Variants in NOC4L observed in about 807,000 individuals in gnomAD.
The protein encoded by NOC4L is nucleolar complex associated 4 homolog.
In NOC4L, 40 loss-of-function variants were observed where a neutral mutation model predicts 62.8. That is an observed-to-expected ratio of 0.64 (90% confidence interval 0.49 to 0.83). NOC4L has a LOEUF of 0.83. Ranked by LOEUF, NOC4L falls within the 40% of genes least tolerant of loss-of-function variation. The pLI, the probability that NOC4L is intolerant of heterozygous loss-of-function variation, is 0.00. For synonymous variants in NOC4L, 433 were observed against 299.8 expected, an observed-to-expected ratio of 1.44 and a Z score of -4.59; for missense variants, 927 against 701.9, an observed-to-expected ratio of 1.32 and a Z score of -3.62.
rs763904197 is a variant in NOC4L at position 132,151,783 on chromosome 12, A to C, written c.1280A>C (p.Gln427Pro). 23 of 1,612,320 alleles carry C rather than the reference A, an allele frequency of 1.4e-5. No homozygotes were observed. Among genetic ancestry groups the C allele is most frequent in the Non-Finnish European group, 1.8e-5 (21 of 1,179,794 alleles). ...PYDPGEEDPA[Q>P]SRALESSLWE... Reference sequence around the variant, plus strand: ...GACCCTGGAGAGGAGGACCCAGCCCAGAGCCGGGCCTTGGAGAGCTCCCTG... The same window carrying C: ...GACCCTGGAGAGGAGGACCCAGCCCCGAGCCGGGCCTTGGAGAGCTCCCTG... The change falls in exon 13 of 15, where the codon CAG (glutamine) becomes CCG (proline). Residue 427 changes from glutamine (Q) to proline (P), a missense_variant. Coordinates refer to ENST00000330579, the MANE Select transcript of NOC4L (RefSeq NM_024078.3).
chr12:132,148,294 C>T (rs1897802889), intron 7 of NOC4L, among the ~76,000 whole-genome samples, 188 bp downstream of exon 7: 1 of 152,188 alleles, frequency 6.6e-6, no homozygotes, highest in South Asian at 2.1e-4. Context: ...CGGGACCCTC[C>T]CTTGGGTCAG....
chr12:132,147,023 C>T (rs897638891), intron 3 of NOC4L, among the ~76,000 whole-genome samples: 4 of 152,228 alleles, frequency 2.6e-5, no homozygotes, highest in African/African-American at 9.6e-5. Flanking sequence ...ATAAAGCAGA[C>T]CTGGGCTGTG....
intron 3 of NOC4L, among the ~76,000 whole-genome samples, chr12:132,146,984 C>T (rs745378930): frequency 5.9e-5 from 9 of 152,180 alleles, no homozygotes; most frequent in Non-Finnish European, 8.8e-5. Flanking sequence ...TCCCGTGACA[C>T]AGGTGACGAG....
chr12:132,148,750 CG>C, intron 8 of NOC4L, 33 bp from the exon 9 acceptor site: 9 of 487,104 alleles, frequency 1.8e-5, no homozygotes, highest in Non-Finnish European at 2.4e-5. Flanking sequence ...CCCGCCCACC[CG>C]CCCCTCACCC....
At chr12:132,147,529 CAGG>C in intron 4 of NOC4L, 101 bp from the exon 5 acceptor site, 1 of 1,499,820 alleles carries the variant, frequency 6.7e-7, no homozygotes, top group Non-Finnish European at 9.0e-7. Flanking sequence ...CCCACCCAAC[CAGG>C]AGGAGTCTGC....
chr12:132,151,606 C>G lies in NOC4L; in HGVS notation c.1196C>G (p.Pro399Arg). The change falls in exon 12 of 15, where the codon CCT becomes CGT. Residue 399 changes from proline to arginine, a missense_variant. Coordinates refer to ENST00000330579, the MANE Select transcript of NOC4L (RefSeq NM_024078.3). The stretch of plus-strand genomic sequence containing the variant: ...ATCTGTAACCTGCTGCGCCGGCACC[C>G]TGCCTGCCGGGTCCTCGTGCACCGT... Reference protein sequence around the residue: ...PFICNLLRRHPACRVLVHRPH... With the variant: ...PFICNLLRRHRACRVLVHRPH... 6.2e-7 allele frequency: 1 copy of G among 1,611,684 alleles called. No homozygotes were observed. Among genetic ancestry groups the G allele is most frequent in the South Asian group, 1.1e-5 (1 of 91,016 alleles).
In NOC4L at chr12:132,151,295, T is replaced by C. The variant is rs953463416; in HGVS notation, c.1000T>C (p.Leu334=). ...PDFYRKLYGL[L]DPSVFHVKYR... is the part of the protein sequence containing the mutation. ...CTTCTACCGGAAGCTCTACGGCCTC[T>C]TGGACCCCTCTGTCTTTCACGTCAA... Residue 334 remains leucine (L), a synonymous_variant, in exon 11 of 15, where the codon TTG becomes CTG. Coordinates refer to ENST00000330579, the MANE Select transcript of NOC4L (RefSeq NM_024078.3). 4 of 1,612,040 alleles carry C rather than the reference T, an allele frequency of 2.5e-6. No homozygotes were observed. The highest frequency in any genetic ancestry group is 2.2e-5 in the East Asian group (1 of 44,872).
rs372168845 is a variant in NOC4L at position 132,151,284 on chromosome 12, T to C, written c.989T>C (p.Leu330Pro). The C allele has an allele frequency of 1.1e-5, 17 of 1,611,936 alleles. No homozygotes were observed. Among genetic ancestry groups the C allele is most frequent in the African/African-American group, 2.7e-5 (2 of 75,040 alleles). The change falls in exon 11 of 15, where the codon CTC (leucine) becomes CCC (proline). Residue 330 changes from leucine (L) to proline (P), a missense_variant. Leu to Pro is a moderately conservative substitution (Grantham distance 98). Coordinates refer to ENST00000330579, the MANE Select transcript of NOC4L (RefSeq NM_024078.3). ...GAGTACCCTGACTTCTACCGGAAGC[T>C]CTACGGCCTCTTGGACCCCTCTGTC... is the stretch of plus-strand genomic sequence containing the variant. ...NLEYPDFYRKLYGLLDPSVFH... is the reference protein window; with the variant it reads ...NLEYPDFYRKPYGLLDPSVFH...
intron 3 of NOC4L, among the ~76,000 whole-genome samples, chr12:132,146,786 G>A (rs1269596229): frequency 6.6e-6 from 1 of 152,196 alleles, no homozygotes; most frequent in African/African-American, 2.4e-5. Context: ...AGACAGCTCT[G>A]AGACAGCCGT....
intron 13 of NOC4L, 54 bp downstream of exon 13, chr12:132,151,874 C>G: frequency 6.5e-7 from 1 of 1,546,070 alleles, no homozygotes; most frequent in Non-Finnish European, 8.9e-7. Flanking sequence ...TTCGGCCCCT[C>G]AGAAAGCCCA....
chr12:132,152,140 G>C lies in NOC4L; in HGVS notation c.1374G>C (p.Gln458His), dbSNP rs772031190. ...EVSKAASVIN[Q>H]ALSMPEVSIA... ...CCAAAGCCGCCAGCGTCATCAACCA[G>C]GCCCTGTCCATGCCTGAGGTCAGCA... Residue 458 changes from glutamine to histidine, a missense_variant, in exon 14 of 15, where the codon CAG becomes CAC. Coordinates refer to ENST00000330579, the MANE Select transcript of NOC4L (RefSeq NM_024078.3). 6.2e-7 allele frequency: 1 copy of C among 1,611,326 alleles called. No individual in the cohort carries two copies. The highest frequency in any genetic ancestry group is 8.5e-7 in the Non-Finnish European group (1 of 1,179,230).
chr12:132,152,217 T>A lies in NOC4L; in HGVS notation c.1431+20T>A. 2 of 1,607,774 alleles carry A rather than the reference T, an allele frequency of 1.2e-6. No homozygotes were observed. Among genetic ancestry groups the A allele is most frequent in the Non-Finnish European group, 1.7e-6 (2 of 1,177,804 alleles). ...TACGAGGTGCGGAACTGGGCCAGGG[T>A]GCGAGGGTCTGGGCCACGGGGCGCT... On this transcript the variant is annotated intron_variant, in intron 14 of 14. Transcript: ENST00000330579.
Position 132,151,279 on chromosome 12 carries a change from G to C in NOC4L, c.984G>C (p.Arg328=). 6.2e-7 allele frequency: 1 copy of C among 1,611,888 alleles called. No individual in the cohort carries two copies. Among genetic ancestry groups the C allele is most frequent in the Non-Finnish European group, 8.5e-7 (1 of 1,179,926 alleles). Residue 328 remains arginine, a synonymous_variant, in exon 11 of 15, where the codon CGG becomes CGC. Coordinates refer to ENST00000330579, the MANE Select transcript of NOC4L (RefSeq NM_024078.3). ...KHNLEYPDFY[R]KLYGLLDPSV... ...GCAGGGAGTACCCTGACTTCTACCG[G>C]AAGCTCTACGGCCTCTTGGACCCCT... is the stretch of plus-strand genomic sequence containing the variant.
chr12:132,152,078 C>T lies in NOC4L; in HGVS notation c.1318-6C>T, dbSNP rs1873009713. On this transcript the variant is annotated splice_polypyrimidine_tract_variant and splice_region_variant and intron_variant, in intron 13 of 14. Coordinates refer to ENST00000330579, the MANE Select transcript of NOC4L (RefSeq NM_024078.3). ...CAGCTGCCTCTTAACGGCCCTACTG[C>T]CCCAGGCCCTCCAGCGCCACTACCA... is the stretch of plus-strand genomic sequence containing the variant. The T allele has an allele frequency of 6.2e-7, 1 of 1,607,958 alleles. No homozygotes were observed.
Position 132,148,851 on chromosome 12 carries a change from A to G in NOC4L, c.857A>G (p.Gln286Arg), listed in dbSNP as rs773413003. ...GACGCCATCCTGCCGCAGCTGGCGC[A>G]GCCCACGCTCATGATCGACTTCCTC... ...VHDAILPQLA[Q>R]PTLMIDFLTR... The change falls in exon 9 of 15, where the codon CAG (glutamine) becomes CGG (arginine). Residue 286 changes from glutamine (Q) to arginine (R), a missense_variant. Coordinates refer to ENST00000330579, the MANE Select transcript of NOC4L (RefSeq NM_024078.3). The G allele has an allele frequency of 6.9e-6, 11 of 1,602,034 alleles. No homozygotes were observed. In the African/African-American group the frequency reaches 1.1e-4, roughly 16 times the overall value.
At chr12:132,148,953 C>CG (rs745459020) in intron 9 of NOC4L, 58 bp downstream of exon 9, 5 of 346,394 alleles carry the variant, frequency 1.4e-5, no homozygotes, top group African/African-American at 9.7e-5. Flanking sequence ...AGTGCCGCCG[C>CG]CTCACTCCTA....
chr12:132,151,492 C>T lies in NOC4L; in HGVS notation c.1082C>T (p.Pro361Leu). 1 of 1,602,778 alleles carries T rather than the reference C, an allele frequency of 6.2e-7. No individual in the cohort carries two copies. The highest frequency in any genetic ancestry group is 8.5e-7 in the Non-Finnish European group (1 of 1,179,166). The change falls in exon 12 of 15, where the codon CCC becomes CTC. Residue 361 changes from proline to leucine, a missense_variant. Transcript: ENST00000330579. ...ACCACTGCCCTGCCCAGCCACCTCC[C>T]CGCCTACCTGGTGGCCGCCTTCGCC... ...ADLFLSSSHL[P>L]AYLVAAFAKR... is the part of the protein sequence containing the mutation.
In NOC4L at chr12:132,144,579, G is replaced by A. The variant is rs1158222439; in HGVS notation, c.91G>A (p.Val31Met). The A allele has an allele frequency of 7.9e-6, 12 of 1,523,046 alleles. No individual in the cohort carries two copies. Among genetic ancestry groups the A allele is most frequent in the Non-Finnish European group, 1.1e-5 (12 of 1,142,232 alleles). 94.3% of individuals were successfully genotyped at this position (1,523,046 alleles called of 1,614,324 possible). Reference protein sequence around the residue: ...VLASRSEANAVFDILAVLQSE... With the variant: ...VLASRSEANAMFDILAVLQSE... ...GGCGAGCCGCAGTGAGGCCAACGCC[G>A]TGTTCGACATCCTGGCCGTGCTGCA... Residue 31 changes from valine (V) to methionine (M), a missense_variant, in exon 1 of 15, where the codon GTG (valine) becomes ATG (methionine). Val to Met is a conservative substitution (Grantham distance 21). Transcript: ENST00000330579.
chr12:132,145,151 C>T (rs934851801), intron 2 of NOC4L, among the ~76,000 whole-genome samples, 177 bp downstream of exon 2: 1 of 152,196 alleles, frequency 6.6e-6, no homozygotes, highest in Non-Finnish European at 1.5e-5. Flanking sequence ...ACATGGGTGC[C>T]CTGCAGCTGA....
Sources: gnomAD v4.1 joint callset for allele counts (sites outside exome capture counted in the v4.1 genomes callset) on GRCh38, gnomAD v4.1.1 for gene constraint, MANE v1.5 for transcripts, NCBI Gene and HGNC (gene_info 2026-07-23, HGNC 2026-07-21) for gene names.